APBB1IP: variants seen among roughly 807,000 people sequenced by gnomAD.
The protein encoded by APBB1IP is amyloid beta A4 precursor protein-binding family B member 1-interacting protein.
A neutral mutation model predicts 64.9 loss-of-function variants in APBB1IP; 27 were observed. The ratio of observed to expected loss-of-function variants is 0.42; its 90% CI spans 0.31 to 0.57. The LOEUF (loss-of-function observed/expected upper bound fraction) is 0.57, where lower values mean the gene tolerates loss of function less well. Among genes scored for constraint, APBB1IP ranks in the 20% least tolerant of loss-of-function variants. APBB1IP has a pLI of 0.20. For synonymous variants in APBB1IP, 392 were observed against 331.0 expected, an observed-to-expected ratio of 1.18 and a Z score of -2.00; for missense variants, 812 against 845.5, an observed-to-expected ratio of 0.96 and a Z score of 0.49.
Position 26,566,952 on chromosome 10 carries a change from C to CG in APBB1IP, c.1474-7dup. 6.4e-7 allele frequency: 1 copy of CG among 1,566,132 alleles called. No homozygotes were observed. Among genetic ancestry groups the CG allele is most frequent in the Admixed American group, 1.9e-5 (1 of 53,930 alleles). ...AAAAAAAATGAATGCTACTGCCACT[C>CG]GGTTGCAGGATAAGAAGCCAGCCCT... On this transcript the variant is annotated splice_polypyrimidine_tract_variant and intron_variant, in intron 14 of 14. Coordinates refer to ENST00000376236, the MANE Select transcript of APBB1IP (RefSeq NM_019043.4).
intron 3 of APBB1IP, among the ~76,000 whole-genome samples, chr10:26,494,053 G>T (rs1239375241): frequency 1.3e-5 from 2 of 152,122 alleles, no homozygotes; most frequent in African/African-American, 4.8e-5. Flanking sequence ...GCCCAGGCTG[G>T]ATATCATCTT....
At chr10:26,478,344 C>T (rs1337960236) in intron 2 of APBB1IP, among the ~76,000 whole-genome samples, 1 of 151,976 alleles carries the variant, frequency 6.6e-6, no homozygotes, top group African/African-American at 2.4e-5. Context: ...GTGAGTGGGG[C>T]GGGAGGATGG....
At chr10:26,440,203 G>GGAT (rs1835325226) in intron 2 of APBB1IP, among the ~76,000 whole-genome samples, 1 of 152,126 alleles carries the variant, frequency 6.6e-6, no homozygotes, top group Non-Finnish European at 1.5e-5. Context: ...ATCTAGATAA[G>GGAT]GATGATATTG....
intron 14 of APBB1IP, among the ~76,000 whole-genome samples, chr10:26,563,765 A>T (rs548574151): frequency 3.9e-5 from 6 of 152,300 alleles, no homozygotes; most frequent in African/African-American, 1.4e-4. Context: ...CAGTGGTGAA[A>T]ACAACTAAAT....
At chr10:26,507,364 C>T (rs778789200) in intron 6 of APBB1IP, among the ~76,000 whole-genome samples, 15 of 152,100 alleles carry the variant, frequency 9.9e-5, no homozygotes, top group Non-Finnish European at 1.6e-4. Context: ...CTGGGCATGG[C>T]GGTTCACACA....
intron 6 of APBB1IP, among the ~76,000 whole-genome samples, chr10:26,504,015 C>T (rs1836138981): frequency 6.6e-6 from 1 of 152,216 alleles, no homozygotes; most frequent in Admixed American, 6.5e-5. Context: ...CTTTGAGCTG[C>T]CCTCTCCAGG....
chr10:26,514,709 G>T (rs1446664075), intron 8 of APBB1IP, among the ~76,000 whole-genome samples: 4 of 151,880 alleles, frequency 2.6e-5, no homozygotes, highest in Non-Finnish European at 4.4e-5. Context: ...ACTAGAGGGA[G>T]AATTAGGGCA....
intron 6 of APBB1IP, chr10:26,509,787 C>CT (rs1329700781): frequency 6.6e-6 from 1 of 152,140 alleles, no homozygotes; most frequent in Non-Finnish European, 1.5e-5. Context: ...CATCTAATCA[C>CT]TTTTTTAATA....
intron 2 of APBB1IP, among the ~76,000 whole-genome samples, chr10:26,469,019 C>T (rs1835682121): frequency 6.6e-6 from 1 of 151,978 alleles, no homozygotes; most frequent in Admixed American, 6.6e-5. Context: ...CTAGGCACTT[C>T]TAACATAAAC....
chr10:26,523,817 A>G (rs1836435560), intron 8 of APBB1IP, among the ~76,000 whole-genome samples: 1 of 152,072 alleles, frequency 6.6e-6, no homozygotes, highest in Non-Finnish European at 1.5e-5. Flanking sequence ...AAAAAATAAA[A>G]TATAAATAAA....
At chr10:26,547,782 G>T (rs887119795) in intron 11 of APBB1IP, among the ~76,000 whole-genome samples, 1 of 152,018 alleles carries the variant, frequency 6.6e-6, no homozygotes, top group Non-Finnish European at 1.5e-5. Context: ...ATTTTGGGTC[G>T]ATTTTTGTTT....
intron 2 of APBB1IP, among the ~76,000 whole-genome samples, chr10:26,465,881 G>A (rs1835642507): frequency 6.6e-6 from 1 of 152,206 alleles, no homozygotes; most frequent in Non-Finnish European, 1.5e-5. Context: ...GAAATGGTAG[G>A]TATTAGGATA....
chr10:26,441,632 C>T (rs1385768577), intron 2 of APBB1IP, among the ~76,000 whole-genome samples: 2 of 152,118 alleles, frequency 1.3e-5, no homozygotes, highest in African/African-American at 4.8e-5. Flanking sequence ...CCTGAGATCC[C>T]GTTGGCTCCA....
intron 9 of APBB1IP, among the ~76,000 whole-genome samples, chr10:26,535,074 A>C (rs1199460689): frequency 6.6e-6 from 1 of 152,142 alleles, no homozygotes; most frequent in East Asian, 1.9e-4. Context: ...GCAAAAAATA[A>C]GTTTGACTAT....
At chr10:26,450,791 G>A (rs779971084) in intron 2 of APBB1IP, among the ~76,000 whole-genome samples, 59 of 151,736 alleles carry the variant, frequency 3.9e-4, no homozygotes, top group Non-Finnish European at 7.6e-4. Context: ...TGCCTCCTGG[G>A]TTCAAGCGAT....
intron 2 of APBB1IP, among the ~76,000 whole-genome samples, chr10:26,462,048 C>T (rs979569996): frequency 5.9e-5 from 9 of 152,186 alleles, no homozygotes; most frequent in African/African-American, 9.6e-5. Context: ...GCCAAATCCA[C>T]GTGGCTGCTT....
intron 8 of APBB1IP, among the ~76,000 whole-genome samples, chr10:26,524,951 C>CTTTTTTTTTTTTTTTTTTTTTTTTTTTT (rs1322880718): frequency 2.3e-5 from 1 of 43,160 alleles, no homozygotes; most frequent in Admixed American, 3.8e-4. Flanking sequence ...CTCTTTCTTT[C>CTTTTTTTTTTTTTTTTTTTTTTTTTTTT]TTTCTTTTTT....
At chr10:26,541,735 G>T in intron 11 of APBB1IP, 43 bp downstream of exon 11, 1 of 1,419,868 alleles carries the variant, frequency 7.0e-7, no homozygotes, top group Non-Finnish European at 9.6e-7. Context: ...TAAGCAATTT[G>T]AGTTAATTTT....
At chr10:26,457,469 G>C (rs545075868) in intron 2 of APBB1IP, among the ~76,000 whole-genome samples, 1 of 152,250 alleles carries the variant, frequency 6.6e-6, no homozygotes, top group African/African-American at 2.4e-5. Flanking sequence ...CCTTTACCCA[G>C]ACATCCAGTC....
Sources: gnomAD v4.1 joint callset for allele counts (sites outside exome capture counted in the v4.1 genomes callset) on GRCh38, gnomAD v4.1.1 for gene constraint, MANE v1.5 for transcripts, NCBI Gene and HGNC (gene_info 2026-07-23, HGNC 2026-07-21) for gene names.